The following PITPNM3 variants were observed in gnomAD, a reference collection of about 807,000 sequenced individuals.
PITPNM3 encodes the protein membrane-associated phosphatidylinositol transfer protein 3.
In PITPNM3, 26 loss-of-function variants were observed where a neutral mutation model predicts 102.0. The ratio of observed to expected loss-of-function variants is 0.25; its 90% CI spans 0.19 to 0.35. The LOEUF (loss-of-function observed/expected upper bound fraction) is 0.35, where lower values mean the gene tolerates loss of function less well. Ranked by LOEUF, PITPNM3 falls within the 10% of genes least tolerant of loss-of-function variation. The pLI, the probability that PITPNM3 is intolerant of heterozygous loss-of-function variation, is 1.00. For synonymous variants in PITPNM3, 578 were observed against 558.6 expected, an observed-to-expected ratio of 1.03 and a Z score of -0.49; for missense variants, 1,083 against 1,346.1, an observed-to-expected ratio of 0.80 and a Z score of 3.06.
Position 6,515,472 on chromosome 17 carries a change from C to T in PITPNM3, c.226+9884G>A, listed in dbSNP as rs202209123. Among the ~76,000 whole-genome samples the T allele has an allele frequency of 8.6e-5, 13 of 151,722 alleles. No individual in the cohort carries two copies. The South Asian group carries it at 1.0e-3, about 12-fold the overall frequency. The stretch of plus-strand genomic sequence containing the variant: ...CTAGATAATGGTGATAGTTGCATCC[C>T]TTCATGAATATACTAAAACCACACT... On this transcript the variant is annotated intron_variant, in intron 3 of 19. Coordinates refer to ENST00000262483, the MANE Select transcript of PITPNM3 (RefSeq NM_031220.4).
intron 3 of PITPNM3, among the ~76,000 whole-genome samples, chr17:6,524,141 AG>A (rs1231689780): frequency 6.6e-6 from 1 of 152,216 alleles, no homozygotes; most frequent in Non-Finnish European, 1.5e-5. Context: ...GAAAAGGAAC[AG>A]GAACAGGGCA....
intron 17 of PITPNM3, among the ~76,000 whole-genome samples, chr17:6,463,376 A>G (rs889633480): frequency 6.9e-6 from 1 of 145,744 alleles, no homozygotes; most frequent in Admixed American, 6.8e-5. Flanking sequence ...CAGCCCAGCC[A>G]CAGGGGGCCT....
chr17:6,541,175 A>G (rs1909711931), intron 1 of PITPNM3, among the ~76,000 whole-genome samples: 1 of 152,162 alleles, frequency 6.6e-6, no homozygotes, highest in Non-Finnish European at 1.5e-5. Flanking sequence ...TATTTCCAAC[A>G]AGGAGAAAAG....
intron 2 of PITPNM3, among the ~76,000 whole-genome samples, chr17:6,535,045 T>A (rs1909339403): frequency 6.6e-6 from 1 of 152,070 alleles, no homozygotes; most frequent in Admixed American, 6.5e-5. Context: ...GAGGGGCTCA[T>A]GGGGGAAACC....
chr17:6,505,269 T>C (rs1399665196), intron 3 of PITPNM3, among the ~76,000 whole-genome samples: 1 of 151,288 alleles, frequency 6.6e-6, no homozygotes, highest in Non-Finnish European at 1.5e-5. Flanking sequence ...TAAGTGAGGA[T>C]GGCTCTGATT....
Position 6,478,537 on chromosome 17 carries a change from G to A in PITPNM3, c.777+10C>T, listed in dbSNP as rs1905456198. 1 of 1,613,870 alleles carries A rather than the reference G, an allele frequency of 6.2e-7. No individual in the cohort carries two copies. Among genetic ancestry groups the A allele is most frequent in the Non-Finnish European group, 8.5e-7 (1 of 1,179,928 alleles). On this transcript the variant is annotated intron_variant, in intron 7 of 19. Transcript: ENST00000262483. The surrounding 1 kb of genome is among the most constrained non-coding windows in gnomAD (Gnocchi z 4.4). ...GGGAGGGGAGAGGAGGAGAGGGCAG[G>A]CTGTCCTACCTGCCCACTGAAGCCA...
At chr17:6,463,459 A>AGGGAGGGAGGGAGGGAAGT (rs1904590905) in intron 17 of PITPNM3, among the ~76,000 whole-genome samples, 1 of 47,534 alleles carries the variant, frequency 2.1e-5, no homozygotes, top group African/African-American at 8.7e-5. Flanking sequence ...GGGAGGGAAG[A>AGGGAGGGAGGGAGGGAAGT]AGGAAAAAAG....
intron 19 of PITPNM3, among the ~76,000 whole-genome samples, chr17:6,456,548 C>T (rs936055589): frequency 2.0e-5 from 3 of 152,194 alleles, no homozygotes; most frequent in African/African-American, 7.2e-5. Context: ...GAACTTCCGG[C>T]CCTCTCCCCG....
chr17:6,536,474 G>T (rs909645664), intron 2 of PITPNM3, among the ~76,000 whole-genome samples: 1 of 152,186 alleles, frequency 6.6e-6, no homozygotes, highest in Non-Finnish European at 1.5e-5. Flanking sequence ...CTAATTAGAC[G>T]CCCATGGGAG....
chr17:6,495,511 GAAC>G (rs1597383708), intron 4 of PITPNM3, among the ~76,000 whole-genome samples: 2 of 152,168 alleles, frequency 1.3e-5, no homozygotes, highest in African/African-American at 2.4e-5. Context: ...GGAAGATGGA[GAAC>G]AACATAAGAA....
At position 6,455,632 on chromosome 17, in the gene PITPNM3, C is replaced by T; in HGVS notation, c.2631G>A (p.Glu877=). The T allele has an allele frequency of 6.7e-7, 1 of 1,499,912 alleles. No individual in the cohort carries two copies. The highest frequency in any genetic ancestry group is 2.0e-5 in the African/African-American group (1 of 49,432). The allele number at this position is 1,499,912 out of a possible 1,614,324, so 92.9% of individuals were successfully genotyped here. The change falls in exon 20 of 20, where the codon GAG becomes GAA. Residue 877 remains glutamate, a synonymous_variant. Coordinates refer to ENST00000262483, the MANE Select transcript of PITPNM3 (RefSeq NM_031220.4). The part of the protein sequence containing the change: ...KYQTQCQFLS[E]GYAAHLAALE... ...GCGCGGCCAGGTGTGCGGCGTAGCC[C>T]TCGCTCAGGAACTGCGGAGGGCAGG...
In PITPNM3 at chr17:6,472,943, G is replaced by T; in HGVS notation, c.1259-116C>A. 7.9e-7 allele frequency: 1 copy of T among 1,266,868 alleles called. No individual in the cohort carries two copies. Among genetic ancestry groups the T allele is most frequent in the Non-Finnish European group, 1.1e-6 (1 of 895,534 alleles). 78.5% of individuals were successfully genotyped at this position (1,266,868 alleles called of 1,614,324 possible). A position where few individuals can be genotyped will look rare whatever the true frequency, so the allele number is the denominator to read the frequency against. Reference sequence around the variant, plus strand: ...CTACTCCCCTCTCAAGAGCCTCCCCGGGCTCCCTGCTCCCCACGGGAACAA... The same window carrying T: ...CTACTCCCCTCTCAAGAGCCTCCCCTGGCTCCCTGCTCCCCACGGGAACAA... On this transcript the variant is annotated intron_variant, in intron 10 of 19. Transcript: ENST00000262483. This position sits in a 1 kb window ranked among gnomAD's most constrained non-coding sequence, Gnocchi z 4.1.
chr17:6,519,358 A>C (rs1454276275), intron 3 of PITPNM3, among the ~76,000 whole-genome samples: 1 of 140,826 alleles, frequency 7.1e-6, no homozygotes, highest in African/African-American at 2.8e-5. Flanking sequence ...AAAAAAAAAA[A>C]AAAAAAAAAA....
At chr17:6,505,400 C>A (rs1907440353) in intron 3 of PITPNM3, among the ~76,000 whole-genome samples, 1 of 152,092 alleles carries the variant, frequency 6.6e-6, no homozygotes, top group East Asian at 1.9e-4. Context: ...GATGCCAGCT[C>A]ACAGCACTCC....
At chr17:6,464,007 T>A in intron 16 of PITPNM3, 126 bp from the exon 17 acceptor site, 2 of 1,535,736 alleles carry the variant, frequency 1.3e-6, no homozygotes, top group Non-Finnish European at 1.8e-6. Context: ...CTGGGTGGCA[T>A]CTCCTGATGC....
chr17:6,451,446 T>A lies in PITPNM3; in HGVS notation c.*3892A>T, dbSNP rs538609937. 52 of 152,318 alleles carry A rather than the reference T, an allele frequency of 3.4e-4. No homozygotes were observed. Among genetic ancestry groups the A allele is most frequent in the African/African-American group, 1.2e-3 (50 of 41,558 alleles). The allele number at this position is 152,318 out of a possible 1,614,324, so 9.4% of individuals were successfully genotyped here. On this transcript the variant is annotated 3_prime_UTR_variant, in exon 20 of 20. Transcript: ENST00000262483. ...TTGTACAAGGCAGCCATAAGGAATA[T>A]AATAAACCTTTTTCACCACAGAACC...
intron 4 of PITPNM3, among the ~76,000 whole-genome samples, chr17:6,492,935 T>C (rs1906583147): frequency 6.6e-6 from 1 of 151,024 alleles, no homozygotes; most frequent in Non-Finnish European, 1.5e-5. Flanking sequence ...ATGAACTCAA[T>C]ACCACTTGCC....
chr17:6,488,311 C>A (rs1906221782), intron 4 of PITPNM3, among the ~76,000 whole-genome samples: 1 of 152,200 alleles, frequency 6.6e-6, no homozygotes, highest in Non-Finnish European at 1.5e-5. Context: ...CCCTTCCTCC[C>A]TTTGCAGACT....
At chr17:6,461,581 C>T in intron 17 of PITPNM3, 25 bp from the exon 18 acceptor site, 1 of 1,611,724 alleles carries the variant, frequency 6.2e-7, no homozygotes. Context: ...TTAGAAGGGT[C>T]CAGCCCTGCC....
Sources: gnomAD v4.1 joint callset for allele counts (sites outside exome capture counted in the v4.1 genomes callset) on GRCh38, gnomAD v4.1.1 for gene constraint, Gnocchi (gnomAD v3.1) non-coding constraint, MANE v1.5 for transcripts, NCBI Gene and HGNC (gene_info 2026-07-23, HGNC 2026-07-21) for gene names.